Variants in PCGF3 observed in about 807,000 individuals in gnomAD.
PCGF3 encodes the protein polycomb group ring finger 3, also known as polycomb group RING finger protein 3.
A neutral mutation model predicts 33.1 loss-of-function variants in PCGF3; 7 were observed. The ratio of observed to expected loss-of-function variants is 0.21; its 90% CI spans 0.12 to 0.40. PCGF3 has a LOEUF of 0.40. PCGF3 is among the 10% of genes least tolerant of loss of function. The pLI, the probability that PCGF3 is intolerant of heterozygous loss-of-function variation, is 1.00. For missense variants in PCGF3, 211 were observed against 313.3 expected, an observed-to-expected ratio of 0.67 and a Z score of 2.46; for synonymous variants, 153 against 121.3, an observed-to-expected ratio of 1.26 and a Z score of -1.72.
At chr4:761,866 A>G (rs1745079109) in intron 9 of PCGF3, 16 of 985,256 alleles carry the variant, frequency 1.6e-5, no homozygotes, top group Admixed American at 6.1e-5. Context: ...GTGAGCCCCC[A>G]AGGCAGTGAC....
chr4:720,472 G>A lies in PCGF3; in HGVS notation c.-189-10158G>A, dbSNP rs1560198342. On this transcript the variant is annotated intron_variant, in intron 1 of 10. Coordinates refer to ENST00000362003, the Ensembl canonical transcript of PCGF3. This position sits in a 1 kb window ranked among gnomAD's most constrained non-coding sequence, Gnocchi z 5.6. ...AGGGTCTCTTGTCAGGTGGACAGGG[G>A]CTGGCCCACCCGTGAGTGGGTAGGG... is the stretch of plus-strand genomic sequence containing the variant. Among the ~76,000 whole-genome samples the A allele has an allele frequency of 6.6e-6, 1 of 152,188 alleles. No individual in the cohort carries two copies. Among genetic ancestry groups the A allele is most frequent in the Non-Finnish European group, 1.5e-5 (1 of 68,018 alleles).
chr4:733,636 G>A (rs1318760260), intron 3 of PCGF3, 36 bp from the exon 4 acceptor site: 1 of 1,576,210 alleles, frequency 6.3e-7, no homozygotes, highest in Non-Finnish European at 8.6e-7. Flanking sequence ...GCATGGAAGA[G>A]TTTCAGGTGT....
chr4:726,034 G>A lies in PCGF3; in HGVS notation c.-189-4596G>A, dbSNP rs114622715. On this transcript the variant is annotated intron_variant, in intron 1 of 10. Transcript: ENST00000362003. ...CCCCGTCCACCGTGTGTCCATGGAAGTGAAACAGGCCACCAGCAGTGGGCA... is the reference window on the plus strand; with the variant it reads ...CCCCGTCCACCGTGTGTCCATGGAAATGAAACAGGCCACCAGCAGTGGGCA... Among the ~76,000 whole-genome samples, 1,015 of 152,318 alleles carry A rather than the reference G, an allele frequency of 6.7e-3. 13 individuals carry two copies. Among genetic ancestry groups the A allele is most frequent in the African/African-American group, 0.023 (962 of 41,580 alleles).
intron 4 of PCGF3, chr4:734,345 G>A (rs369891729): frequency 2.7e-5 from 39 of 1,434,042 alleles, no homozygotes; most frequent in Middle Eastern, 2.6e-4. Flanking sequence ...GTGGACGACC[G>A]CTGTGTGCGT....
At chr4:716,112 G>T (rs1742821485) in intron 1 of PCGF3, among the ~76,000 whole-genome samples, 1 of 135,164 alleles carries the variant, frequency 7.4e-6, no homozygotes, top group Non-Finnish European at 1.6e-5. Flanking sequence ...TGTAGACACT[G>T]AGGGTGAGAA....
chr4:707,477 C>T (rs1163686354), intron 1 of PCGF3, among the ~76,000 whole-genome samples: 1 of 150,416 alleles, frequency 6.6e-6, no homozygotes, highest in African/African-American at 2.5e-5. Flanking sequence ...CCTGTTTTCC[C>T]CTGGGGGCCG....
intron 8 of PCGF3, among the ~76,000 whole-genome samples, chr4:751,940 C>G (rs1193438494): frequency 6.6e-6 from 1 of 152,262 alleles, no homozygotes; most frequent in South Asian, 2.1e-4. Context: ...GCACAGGCCT[C>G]CTGGGACTGG....
At chr4:708,934 G>A (rs1162402396) in intron 1 of PCGF3, among the ~76,000 whole-genome samples, 3 of 152,224 alleles carry the variant, frequency 2.0e-5, no homozygotes, top group Admixed American at 6.5e-5. Context: ...TCGGGCTGGG[G>A]ACGGGGGTTG....
chr4:734,547 T>G, intron 4 of PCGF3: 2 of 1,172,186 alleles, frequency 1.7e-6, no homozygotes, highest in Middle Eastern at 3.5e-4. Flanking sequence ...TTATTTTCAT[T>G]TGATTTTATC....
intron 1 of PCGF3, among the ~76,000 whole-genome samples, chr4:718,962 T>A (rs1361591149): frequency 6.6e-6 from 1 of 152,214 alleles, no homozygotes; most frequent in Non-Finnish European, 1.5e-5. Context: ...TTTTTCTTTT[T>A]TTAATTTTTT....
chr4:714,460 A>G (rs2109522956), intron 1 of PCGF3, among the ~76,000 whole-genome samples: 1 of 152,018 alleles, frequency 6.6e-6, no homozygotes, highest in African/African-American at 2.4e-5. Flanking sequence ...CACCGCTACA[A>G]CCCCACTGTG....
intron 9 of PCGF3, chr4:762,094 T>A (rs904165315): frequency 3.0e-6 from 3 of 985,154 alleles, no homozygotes; most frequent in South Asian, 4.7e-5. Context: ...ATGCTGTCTG[T>A]AGCAGCAGTG....
At chr4:742,303 G>C (rs1028475257) in intron 6 of PCGF3, among the ~76,000 whole-genome samples, 12 of 152,150 alleles carry the variant, frequency 7.9e-5, no homozygotes, top group African/African-American at 2.9e-4. Flanking sequence ...GTTGCCTCAC[G>C]CGGGCATTGG....
intron 5 of PCGF3, among the ~76,000 whole-genome samples, chr4:736,575 G>A (rs1327332329): frequency 1.7e-5 from 2 of 115,274 alleles, no homozygotes; most frequent in Admixed American, 1.6e-4. Flanking sequence ...TGTCCCCTGA[G>A]CGCACAGGAT....
rs750026979 is a variant in PCGF3 at position 743,485 on chromosome 4, A to C, written c.274A>C (p.Lys92Gln). ...TTGATTTTCCGCAGCGGAAATGAGAAAGCAGAGGGAGTTCTATCACAAATT... is the reference window on the plus strand; with the variant it reads ...TTGATTTTCCGCAGCGGAAATGAGACAGCAGAGGGAGTTCTATCACAAATT... Residue 92 changes from lysine to glutamine, a missense_variant, in exon 7 of 11, where the codon AAG becomes CAG. Coordinates refer to ENST00000362003, the Ensembl canonical transcript of PCGF3. 23 of 1,610,090 alleles carry C rather than the reference A, an allele frequency of 1.4e-5. No individual in the cohort carries two copies. The South Asian group carries it at 2.3e-4, about 16-fold the overall frequency.
chr4:731,221 T>A (rs1338096063), intron 3 of PCGF3, 111 bp downstream of exon 3: 2 of 398,506 alleles, frequency 5.0e-6, no homozygotes, highest in Admixed American at 4.4e-5. Flanking sequence ...CAGGACACGA[T>A]GCAGTGTTCA....
chr4:735,953 T>G (rs1474309021), intron 5 of PCGF3, among the ~76,000 whole-genome samples: 1 of 152,228 alleles, frequency 6.6e-6, no homozygotes, highest in Non-Finnish European at 1.5e-5. Flanking sequence ...ATGCTCCCCG[T>G]ACCATGAGGG....
intron 8 of PCGF3, among the ~76,000 whole-genome samples, chr4:756,517 T>G (rs1242748393): frequency 1.3e-5 from 2 of 152,232 alleles, no homozygotes; most frequent in Non-Finnish European, 1.5e-5. Flanking sequence ...CCGGCTCTTT[T>G]CTAAACTCTA....
intron 4 of PCGF3, 149 bp from the exon 5 acceptor site, chr4:734,782 C>A: frequency 7.1e-7 from 1 of 1,405,922 alleles, no homozygotes. Flanking sequence ...CAAGATGTTT[C>A]CTTTCAGAAG....
Sources: gnomAD v4.1 joint callset for allele counts (sites outside exome capture counted in the v4.1 genomes callset) on GRCh38, gnomAD v4.1.1 for gene constraint, Gnocchi (gnomAD v3.1) non-coding constraint, MANE v1.5 for transcripts, NCBI Gene and HGNC (gene_info 2026-07-23, HGNC 2026-07-21) for gene names.